DEK: variants seen among roughly 807,000 people sequenced by gnomAD.
DEK encodes DEK proto-oncogene.
In DEK, 28 loss-of-function variants were observed where a neutral mutation model predicts 46.8. The ratio of observed to expected loss-of-function variants is 0.60; its 90% CI spans 0.44 to 0.82. The LOEUF (loss-of-function observed/expected upper bound fraction) is 0.82, where lower values mean the gene tolerates loss of function less well. DEK is among the 40% of genes least tolerant of loss of function. The pLI, the probability that DEK is intolerant of heterozygous loss-of-function variation, is 0.00. For missense variants in DEK, 416 were observed against 430.6 expected (o/e 0.97, Z 0.30); for synonymous variants, 160 against 144.5 (o/e 1.11, Z -0.77).
chr6:18,226,265 A>G, intron 9 of DEK, 23 bp from the exon 10 acceptor site: 1 of 1,327,642 alleles, frequency 7.5e-7, no homozygotes, highest in East Asian at 2.9e-5. Context: ...AAAAGGAAAA[A>G]TAATGTTAAA....
chr6:18,229,878 C>G (rs112058258), intron 9 of DEK, among the ~76,000 whole-genome samples: 129 of 152,240 alleles, frequency 8.5e-4, no homozygotes, highest in Non-Finnish European at 1.5e-3. Flanking sequence ...ATACAGAGAA[C>G]ACCACAAAAA....
intron 6 of DEK, among the ~76,000 whole-genome samples, chr6:18,250,344 C>A (rs1791313354): frequency 6.6e-6 from 1 of 151,968 alleles, no homozygotes; most frequent in South Asian, 2.1e-4. Flanking sequence ...TGGCGGGCGC[C>A]TGTAGCCCCA....
chr6:18,260,942 T>C (rs1301906855), intron 2 of DEK, among the ~76,000 whole-genome samples: 7 of 147,440 alleles, frequency 4.7e-5, no homozygotes, highest in Non-Finnish European at 7.4e-5. Flanking sequence ...GCTGAGATCA[T>C]GTTACTGCAC....
intron 6 of DEK, among the ~76,000 whole-genome samples, chr6:18,250,385 C>T (rs1294245444): frequency 1.3e-5 from 2 of 152,016 alleles, no homozygotes; most frequent in South Asian, 2.1e-4. Context: ...AGGAGAAAGG[C>T]GTGAACCCAG....
At chr6:18,227,726 A>G (rs1790205266) in intron 9 of DEK, among the ~76,000 whole-genome samples, 1 of 152,222 alleles carries the variant, frequency 6.6e-6, no homozygotes, top group African/African-American at 2.4e-5. Flanking sequence ...CAAAAACAAA[A>G]AACCCCAACA....
At chr6:18,229,468 TA>T (rs1790304672) in intron 9 of DEK, among the ~76,000 whole-genome samples, 3 of 152,218 alleles carry the variant, frequency 2.0e-5, no homozygotes, top group African/African-American at 7.2e-5. Context: ...ACAAAGAAGC[TA>T]AAAACCTTGA....
At chr6:18,257,918 T>C (rs1464811336) in intron 4 of DEK, 35 bp downstream of exon 4, 10 of 1,445,542 alleles carry the variant, frequency 6.9e-6, no homozygotes, top group African/African-American at 2.9e-5. Flanking sequence ...TGTGAAGTAA[T>C]ATACAAGTAG....
intron 4 of DEK, among the ~76,000 whole-genome samples, chr6:18,257,708 C>T (rs1791660391): frequency 6.7e-6 from 1 of 149,234 alleles, no homozygotes; most frequent in African/African-American, 2.5e-5. Flanking sequence ...AAAGTGAGAC[C>T]GTGTCTTAAA....
Position 18,263,988 on chromosome 6 carries a change from G to A in DEK, c.-1C>T. On this transcript the variant is annotated 5_prime_UTR_variant, in exon 2 of 11. Transcript: ENST00000652689. ...CCGCAGCAGGGGCCGAGGCGGACAT[G>A]CTGTGAACCTGCATGCGGGAAGAAA... 1.9e-6 allele frequency: 3 copies of A among 1,601,086 alleles called. No individual in the cohort carries two copies. The highest frequency in any genetic ancestry group is 2.6e-6 in the Non-Finnish European group (3 of 1,174,650).
In DEK at chr6:18,249,732, T is replaced by G; in HGVS notation, c.681A>C (p.Ser227=). 6.2e-7 allele frequency: 1 copy of G among 1,614,120 alleles called. No homozygotes were observed. Among genetic ancestry groups the G allele is most frequent in the Non-Finnish European group, 8.5e-7 (1 of 1,179,994 alleles). Residue 227 remains serine, a synonymous_variant, in exon 7 of 11, where the codon TCA becomes TCC. Coordinates refer to ENST00000652689, the MANE Select transcript of DEK (RefSeq NM_003472.4). The part of the protein sequence containing the change: ...AKRTKCPEIL[S]DESSSDEDEK... ...CATCTTCATCACTACTAGATTCATC[T>G]GACAGAATTTCAGGACATTTGGTTC...
intron 9 of DEK, among the ~76,000 whole-genome samples, chr6:18,226,863 T>G (rs1790150314): frequency 6.6e-6 from 1 of 152,214 alleles, no homozygotes; most frequent in Non-Finnish European, 1.5e-5. Flanking sequence ...AGAAAAATTC[T>G]TCTGCCTTGA....
At chr6:18,258,902 G>A (rs1324555617) in intron 2 of DEK, among the ~76,000 whole-genome samples, 1 of 152,158 alleles carries the variant, frequency 6.6e-6, no homozygotes, top group Non-Finnish European at 1.5e-5. Context: ...AGGCAGAACA[G>A]CCTGAAGTAC....
intron 3 of DEK, 70 bp from the exon 4 acceptor site, chr6:18,258,132 A>C (rs1791682742): frequency 8.2e-7 from 1 of 1,220,148 alleles, no homozygotes; most frequent in East Asian, 2.4e-5. Flanking sequence ...TAATTTAATG[A>C]GAATTATTTT....
At position 18,255,622 on chromosome 6, in the gene DEK, T is replaced by C. The variant is rs906538329; in HGVS notation, c.573+109A>G. The C allele has an allele frequency of 3.1e-6, 4 of 1,279,128 alleles. 1 individual carries two copies. Among genetic ancestry groups the C allele is most frequent in the Non-Finnish European group, 4.2e-6 (4 of 948,164 alleles). 79.2% of individuals were successfully genotyped at this position (1,279,128 alleles called of 1,614,324 possible). A position where few individuals can be genotyped will look rare whatever the true frequency, so the allele number is the denominator to read the frequency against. On this transcript the variant is annotated intron_variant, in intron 6 of 10. Coordinates refer to ENST00000652689, the MANE Select transcript of DEK (RefSeq NM_003472.4). ...GTCAACAGAAGGTATAGTCTTTGAA[T>C]GTAGATATGAACGAATACTGACAGC...
In DEK at chr6:18,225,641, A is replaced by G; in HGVS notation, c.*78T>C. On this transcript the variant is annotated 3_prime_UTR_variant, in exon 11 of 11. Transcript: ENST00000652689. The stretch of plus-strand genomic sequence containing the variant: ...TTAACAAGGATTTAGAAAAGGAAAT[A>G]CATTCTCTTTGCTGGTATAATGGTA... 6.7e-7 allele frequency: 1 copy of G among 1,493,728 alleles called. No homozygotes were observed. Among genetic ancestry groups the G allele is most frequent in the Non-Finnish European group, 9.1e-7 (1 of 1,093,338 alleles). The allele number at this position is 1,493,728 out of a possible 1,614,324, so 92.5% of individuals were successfully genotyped here.
intron 6 of DEK, among the ~76,000 whole-genome samples, chr6:18,250,938 A>G (rs1791352580): frequency 6.6e-6 from 1 of 152,226 alleles, no homozygotes; most frequent in Non-Finnish European, 1.5e-5. Flanking sequence ...TATACAATAA[A>G]TGATAAGTAT....
intron 9 of DEK, among the ~76,000 whole-genome samples, chr6:18,233,788 C>T (rs1582259515): frequency 1.3e-5 from 2 of 152,082 alleles, no homozygotes; most frequent in African/African-American, 4.8e-5. Flanking sequence ...GACAGTGTGG[C>T]GATTCCTCAA....
intron 8 of DEK, chr6:18,237,028 G>A (rs1790682500): frequency 5.0e-6 from 1 of 198,606 alleles, no homozygotes; most frequent in Non-Finnish European, 1.0e-5. Flanking sequence ...GCAGTTCAAG[G>A]CTACAGTGAG....
intron 9 of DEK, among the ~76,000 whole-genome samples, chr6:18,229,031 G>A (rs373157806): frequency 4.4e-4 from 67 of 152,302 alleles, no homozygotes; most frequent in African/African-American, 1.4e-3. Flanking sequence ...TCACACGGCC[G>A]GGTGCCACTC....
Sources: gnomAD v4.1 joint callset for allele counts (sites outside exome capture counted in the v4.1 genomes callset) on GRCh38, gnomAD v4.1.1 for gene constraint, MANE v1.5 for transcripts, NCBI Gene and HGNC (gene_info 2026-07-23, HGNC 2026-07-21) for gene names.